Variants in FBXO22 observed in about 807,000 individuals in gnomAD.
The protein encoded by FBXO22 is F-box protein 22.
FBXO22 carries 13 observed loss-of-function variants against 37.2 expected under a neutral mutation model. That is an observed-to-expected ratio of 0.35 (90% confidence interval 0.23 to 0.56). The LOEUF (loss-of-function observed/expected upper bound fraction) is 0.56. FBXO22 is among the 20% of genes least tolerant of loss of function. The probability of loss-of-function intolerance (pLI) is 0.87; values close to 1 mark genes in which losing one functional copy is unlikely to be tolerated. For missense variants in FBXO22, 446 were observed against 509.9 expected (o/e 0.87, Z 1.21); for synonymous variants, 189 against 189.1 (o/e 1.00, Z 0.00).
intron 2 of FBXO22, among the ~76,000 whole-genome samples, chr15:75,905,081 C>G (rs896992181): frequency 6.6e-6 from 1 of 152,184 alleles, no homozygotes; most frequent in Non-Finnish European, 1.5e-5. Flanking sequence ...CCTCGGCCTC[C>G]CAAAGTGCTG....
At chr15:75,905,758 G>T (rs1446286645) in intron 2 of FBXO22, 1 of 152,124 alleles carries the variant, frequency 6.6e-6, no homozygotes, top group Non-Finnish European at 1.5e-5. Context: ...AGGCTATTTT[G>T]TAGAACATCC....
rs915068297 is a variant in FBXO22 at position 75,934,983 on chromosome 15, A to G, written c.*1881A>G. ...TTCATACAATATTTGATGTTGTTAA[A>G]GCATTCCTTTTTATAGCTGAGCCTT... On this transcript the variant is annotated 3_prime_UTR_variant, in exon 7 of 7. Coordinates refer to ENST00000308275, the MANE Select transcript of FBXO22 (RefSeq NM_147188.3). 1 of 152,248 alleles carries G rather than the reference A, an allele frequency of 6.6e-6. No individual in the cohort carries two copies. The highest frequency in any genetic ancestry group is 2.4e-5 in the African/African-American group (1 of 41,460). 9.4% of individuals were successfully genotyped at this position (152,248 alleles called of 1,614,324 possible). A position where few individuals can be genotyped will look rare whatever the true frequency, so the allele number is the denominator to read the frequency against.
intron 6 of FBXO22, 194 bp downstream of exon 6, chr15:75,930,243 A>G: frequency 7.0e-7 from 1 of 1,432,300 alleles, no homozygotes; most frequent in Non-Finnish European, 9.1e-7. Flanking sequence ...TTACATTTTT[A>G]TATATATTGT....
intron 5 of FBXO22, among the ~76,000 whole-genome samples, chr15:75,927,979 C>T (rs955906878): frequency 3.3e-5 from 5 of 152,024 alleles, no homozygotes; most frequent in East Asian, 3.9e-4. Context: ...GACATACATG[C>T]GGCCAACAAT....
chr15:75,920,506 C>T (rs1595915665), intron 5 of FBXO22, among the ~76,000 whole-genome samples: 1 of 152,136 alleles, frequency 6.6e-6, no homozygotes, highest in Admixed American at 6.5e-5. Flanking sequence ...ATTCAATTGG[C>T]TCATAATGTA....
chr15:75,904,728 A>ATAT, intron 2 of FBXO22, 99 bp downstream of exon 2: 1 of 911,486 alleles, frequency 1.1e-6, no homozygotes, highest in South Asian at 2.1e-5. Flanking sequence ...AATTAAAGGA[A>ATAT]CATCTCGTTC....
At position 75,941,448 on chromosome 15, in the gene FBXO22, G is replaced by T. The variant is rs1040199760; in HGVS notation, c.*8346G>T. ...GTATATACACAAAATAATTGAAAGC[G>T]GAGGCTTGAGGGTATATTTGTATAC... is the stretch of plus-strand genomic sequence containing the variant. On this transcript the variant is annotated 3_prime_UTR_variant, in exon 7 of 7. Coordinates refer to ENST00000308275, the MANE Select transcript of FBXO22 (RefSeq NM_147188.3). 4.6e-5 allele frequency: 7 copies of T among 152,068 alleles called. No homozygotes were observed. The highest frequency in any genetic ancestry group is 1.7e-4 in the African/African-American group (7 of 41,410). The allele number at this position is 152,068 out of a possible 1,614,324, so 9.4% of individuals were successfully genotyped here. A position where few individuals can be genotyped will look rare whatever the true frequency, so the allele number is the denominator to read the frequency against.
chr15:75,904,377 CTTTGGATCCCGCAGGGATCTCCTG>C, intron 1 of FBXO22, 90 bp from the exon 2 acceptor site: 1 of 1,506,318 alleles, frequency 6.6e-7, no homozygotes, highest in Non-Finnish European at 9.1e-7. Flanking sequence ...ACCCCGGGGA[CTTTGGATCCCGCAGGGATCTCCTG>C]CTGCTGCGCC....
rs1900250766 is a variant in FBXO22 at position 75,918,834 on chromosome 15, A to T, written c.628+1440A>T. 2.0e-5 allele frequency among the ~76,000 whole-genome samples: 3 copies of T among 152,240 alleles called. No individual in the cohort carries two copies. The South Asian group carries it at 6.2e-4, about 32-fold the overall frequency. ...ATAGAGTTGAATGGCAGGCACCAGG[A>T]TCTGGGGTGGTTGGGAGGGGCTTTG... is the stretch of plus-strand genomic sequence containing the variant. On this transcript the variant is annotated intron_variant, in intron 5 of 6. Coordinates refer to ENST00000308275, the MANE Select transcript of FBXO22 (RefSeq NM_147188.3).
rs137901254 is a variant in FBXO22, at chr15:75,921,954, G to A, written c.628+4560G>A. ...ACAACAGTGCCTCCTTCTGGAATAC[G>A]TCCTGAAGGACCTGCCTGAGGCTGT... On this transcript the variant is annotated intron_variant, in intron 5 of 6. Coordinates refer to ENST00000308275, the MANE Select transcript of FBXO22 (RefSeq NM_147188.3). Among the ~76,000 whole-genome samples, 859 of 151,274 alleles carry A rather than the reference G, an allele frequency of 5.7e-3. 11 individuals carry two copies. Among genetic ancestry groups the A allele is most frequent in the South Asian group, 0.025 (120 of 4,784 alleles).
intron 5 of FBXO22, among the ~76,000 whole-genome samples, chr15:75,928,234 CA>C (rs1418333663): frequency 2.6e-5 from 4 of 152,142 alleles, no homozygotes; most frequent in African/African-American, 9.6e-5. Flanking sequence ...TTTGACCCAG[CA>C]GTCCTATTAC....
chr15:75,918,962 T>G (rs907090488), intron 5 of FBXO22, among the ~76,000 whole-genome samples: 6 of 152,120 alleles, frequency 3.9e-5, no homozygotes, highest in South Asian at 2.1e-4. Context: ...ATATTCTTTT[T>G]TTTGTTTGTT....
In FBXO22 at chr15:75,933,772, A is replaced by G; in HGVS notation, c.*670A>G. On this transcript the variant is annotated 3_prime_UTR_variant, in exon 7 of 7. Coordinates refer to ENST00000308275, the MANE Select transcript of FBXO22 (RefSeq NM_147188.3). ...AATAGCTAACTAACTGGTAGACCAG[A>G]GTATTACATCATCTTATTTTGGTTT... The G allele has an allele frequency of 3.3e-6, 1 of 301,198 alleles. No homozygotes were observed. The allele number at this position is 301,198 out of a possible 1,614,324, so 18.7% of individuals were successfully genotyped here. A position where few individuals can be genotyped will look rare whatever the true frequency, so the allele number is the denominator to read the frequency against.
chr15:75,923,374 G>T (rs543588223), intron 5 of FBXO22, among the ~76,000 whole-genome samples: 1 of 152,232 alleles, frequency 6.6e-6, no homozygotes, highest in South Asian at 2.1e-4. Context: ...CAGCAGTTTT[G>T]GCTTATTCCA....
intron 3 of FBXO22, 57 bp from the exon 4 acceptor site, chr15:75,914,053 T>G: frequency 1.6e-6 from 2 of 1,288,872 alleles, no homozygotes; most frequent in Middle Eastern, 1.9e-4. Flanking sequence ...ACTTTTTCAT[T>G]CTCAGATTTG....
At chr15:75,929,784 T>C (rs1358884725) in intron 5 of FBXO22, 100 bp from the exon 6 acceptor site, 2 of 1,418,212 alleles carry the variant, frequency 1.4e-6, no homozygotes, top group Non-Finnish European at 2.0e-6. Flanking sequence ...AAATTGCCCT[T>C]AAGGTGGAGT....
At position 75,938,806 on chromosome 15, in the gene FBXO22, A is replaced by T. The variant is rs1033144904; in HGVS notation, c.*5704A>T. On this transcript the variant is annotated 3_prime_UTR_variant, in exon 7 of 7. Transcript: ENST00000308275. ...GCATTTTTGAACCACAACAGGATGT[A>T]GTTAGAAATCAGTAACAAAAGGAAA... 2.0e-5 allele frequency: 3 copies of T among 152,228 alleles called. No individual in the cohort carries two copies. The highest frequency in any genetic ancestry group is 7.2e-5 in the African/African-American group (3 of 41,466). 9.4% of individuals were successfully genotyped at this position (152,228 alleles called of 1,614,324 possible).
At chr15:75,921,049 G>A (rs1466776936) in intron 5 of FBXO22, among the ~76,000 whole-genome samples, 1 of 152,160 alleles carries the variant, frequency 6.6e-6, no homozygotes, top group Non-Finnish European at 1.5e-5. Flanking sequence ...TACTATATGT[G>A]TAGGCTATAC....
At position 75,935,121 on chromosome 15, in the gene FBXO22, A is replaced by C. The variant is rs1254206884; in HGVS notation, c.*2019A>C. 1 of 152,198 alleles carries C rather than the reference A, an allele frequency of 6.6e-6. No homozygotes were observed. Among genetic ancestry groups the C allele is most frequent in the Non-Finnish European group, 1.5e-5 (1 of 68,018 alleles). 9.4% of individuals were successfully genotyped at this position (152,198 alleles called of 1,614,324 possible). A position where few individuals can be genotyped will look rare whatever the true frequency, so the allele number is the denominator to read the frequency against. On this transcript the variant is annotated 3_prime_UTR_variant, in exon 7 of 7. Coordinates refer to ENST00000308275, the MANE Select transcript of FBXO22 (RefSeq NM_147188.3). ...ACAATAGTAGTATTGATAAGAACAA[A>C]AGTCATCCTCCCTGCCTCTCAGAGG...
Sources: allele counts gnomAD v4.1 joint callset (sites outside exome capture counted in the v4.1 genomes callset), GRCh38; gene constraint gnomAD v4.1.1; transcripts MANE v1.5; gene names NCBI Gene and HGNC (gene_info 2026-07-23, HGNC 2026-07-21).